DNAH5: variants seen among roughly 807,000 people sequenced by gnomAD.
DNAH5 encodes dynein axonemal heavy chain 5.
A neutral mutation model predicts 518.2 loss-of-function variants in DNAH5; 372 were observed. That is an observed-to-expected ratio of 0.72 (90% confidence interval 0.66 to 0.78). The LOEUF is 0.78. Among genes scored for constraint, DNAH5 ranks in the 30% least tolerant of loss-of-function variants. The pLI, the probability that DNAH5 is intolerant of heterozygous loss-of-function variation, is 0.00. For missense variants in DNAH5, 5,523 were observed against 5,687.0 expected (o/e 0.97, Z 0.93); for synonymous variants, 2,039 against 2,025.9 (o/e 1.01, Z -0.17).
At position 13,824,179 on chromosome 5, in the gene DNAH5, C is replaced by T. The variant is rs115382993; in HGVS notation, c.6579+20G>A. 1.6e-3 allele frequency: 2,539 copies of T among 1,612,702 alleles called. 40 individuals carry two copies. The African/African-American group carries it at 0.031, about 20-fold the overall frequency. ...AACTGATATCCAAGTAGGTGGAACA[C>T]TTCCATCTGTGAGTCTTACCAGTTT... On this transcript the variant is annotated intron_variant, in intron 39 of 78. Transcript: ENST00000265104.
At chr5:13,859,711 C>G in intron 29 of DNAH5, 106 bp from the exon 30 acceptor site, 3 of 1,072,966 alleles carry the variant, frequency 2.8e-6, no homozygotes, top group Middle Eastern at 4.9e-4. Flanking sequence ...TTCTTTACAA[C>G]CTTAATTATG....
chr5:13,815,612 C>A (rs888448057), intron 42 of DNAH5, among the ~76,000 whole-genome samples: 1 of 152,076 alleles, frequency 6.6e-6, no homozygotes, highest in African/African-American at 2.4e-5. Context: ...TGTTTATAAG[C>A]CACCCAGTCT....
intron 60 of DNAH5, among the ~76,000 whole-genome samples, chr5:13,761,651 C>T (rs1751804052): frequency 6.6e-6 from 1 of 151,226 alleles, no homozygotes; most frequent in Non-Finnish European, 1.5e-5. Flanking sequence ...CAAAGAATGA[C>T]TGTACTTTTC....
chr5:13,749,881 A>C lies in DNAH5; in HGVS notation c.11211+1197T>G, dbSNP rs1174669345. Among the ~76,000 whole-genome samples, 9 of 152,216 alleles carry C rather than the reference A, an allele frequency of 5.9e-5. No homozygotes were observed. The East Asian group carries it at 1.7e-3, about 29-fold the overall frequency. On this transcript the variant is annotated intron_variant, in intron 65 of 78. Transcript: ENST00000265104. The stretch of plus-strand genomic sequence containing the variant: ...CGGGACTCAAAAACTAAGCAAGTAC[A>C]TATTTTGAAGGCGGTCATTACCACA...
At chr5:13,811,438 T>G (rs982525249) in intron 44 of DNAH5, among the ~76,000 whole-genome samples, 7 of 152,236 alleles carry the variant, frequency 4.6e-5, no homozygotes, top group African/African-American at 1.7e-4. Context: ...AGCTGTATTT[T>G]TTGTTAAAGG....
At chr5:13,701,469 G>A (rs762010487) in intron 76 of DNAH5, 33 bp from the exon 77 acceptor site, 8 of 1,583,488 alleles carry the variant, frequency 5.1e-6, no homozygotes, top group Non-Finnish European at 6.9e-6. Context: ...ATTAATTGAT[G>A]TAAGTTTAAT....
chr5:13,732,375 CT>C (rs1217441854), intron 68 of DNAH5, among the ~76,000 whole-genome samples: 2 of 151,840 alleles, frequency 1.3e-5, no homozygotes, highest in Non-Finnish European at 2.9e-5. Flanking sequence ...TCTTGAGCCC[CT>C]TTTTTTGTGA....
chr5:13,977,303 C>T (rs1000161925), intron 1 of DNAH5, among the ~76,000 whole-genome samples: 4 of 152,188 alleles, frequency 2.6e-5, no homozygotes, highest in African/African-American at 7.2e-5. Flanking sequence ...TTCTCCGGGA[C>T]CTCACTGGAA....
At chr5:13,747,605 T>A (rs1749574542) in intron 65 of DNAH5, among the ~76,000 whole-genome samples, 1 of 152,222 alleles carries the variant, frequency 6.6e-6, no homozygotes, top group African/African-American at 2.4e-5. Context: ...GGTATCTCAT[T>A]GTGGTTTTGA....
intron 31 of DNAH5, 44 bp downstream of exon 31, chr5:13,850,608 T>C: frequency 1.3e-6 from 2 of 1,565,692 alleles, no homozygotes; most frequent in Non-Finnish European, 1.8e-6. Flanking sequence ...TGTATCCTTT[T>C]GTCTCAAGGA....
intron 55 of DNAH5, among the ~76,000 whole-genome samples, chr5:13,775,440 AAGAT>A (rs1275138499): frequency 1.3e-5 from 2 of 152,122 alleles, no homozygotes; most frequent in Admixed American, 6.6e-5. Context: ...TAGACAGATA[AAGAT>A]AGATGGATAG....
At chr5:13,714,230 T>C (rs1743988325) in intron 75 of DNAH5, among the ~76,000 whole-genome samples, 175 bp downstream of exon 75, 1 of 152,212 alleles carries the variant, frequency 6.6e-6, no homozygotes, top group African/African-American at 2.4e-5. Context: ...GAAAAGATTA[T>C]GTTACATTCA....
intron 22 of DNAH5, among the ~76,000 whole-genome samples, chr5:13,871,995 G>A (rs1005362606): frequency 2.0e-5 from 3 of 152,166 alleles, no homozygotes; most frequent in African/African-American, 7.2e-5. Context: ...TGGGAGAGGA[G>A]CAGTTTCTAG....
rs2151908618 is a variant in DNAH5, at chr5:13,864,496, T to TA, written c.4496dup (p.Thr1500AsnfsTer13). 1.2e-6 allele frequency: 2 copies of TA among 1,614,186 alleles called. No homozygotes were observed. Among genetic ancestry groups the TA allele is most frequent in the East Asian group, 4.5e-5 (2 of 44,884 alleles). ...CCAGACTGTGCCCGGTGAGGGTGGTTATCCTTTCCCAGTGCCGCTCCATCA... is the reference window on the plus strand; with the variant it reads ...CCAGACTGTGCCCGGTGAGGGTGGTTAATCCTTTCCCAGTGCCGCTCCATCA... On this transcript the variant is annotated frameshift_variant, in exon 28 of 79. Coordinates refer to ENST00000265104, the MANE Select transcript of DNAH5 (RefSeq NM_001369.3). LOFTEE classifies it high-confidence loss of function.
intron 55 of DNAH5, among the ~76,000 whole-genome samples, chr5:13,775,127 C>T (rs1502051): frequency 0.93 from 135,489 of 145,966 alleles, 62,947 homozygotes; most frequent in East Asian, 1. Flanking sequence ...AGCTACACTC[C>T]TTTTTGTTTT....
chr5:13,723,690 A>G (rs910155345), intron 70 of DNAH5, among the ~76,000 whole-genome samples: 1 of 152,238 alleles, frequency 6.6e-6, no homozygotes, highest in African/African-American at 2.4e-5. Flanking sequence ...GAGACACTGA[A>G]ATGTGAAAGT....
chr5:13,999,427 G>C (rs1784191190), intron 1 of DNAH5, among the ~76,000 whole-genome samples: 1 of 152,168 alleles, frequency 6.6e-6, no homozygotes, highest in South Asian at 2.1e-4. Context: ...GAGTATTTTA[G>C]ATACCTCATC....
intron 1 of DNAH5, among the ~76,000 whole-genome samples, chr5:13,971,774 T>C (rs1350311194): frequency 2.0e-5 from 3 of 152,172 alleles, no homozygotes; most frequent in Non-Finnish European, 4.4e-5. Flanking sequence ...GAGGTGATGC[T>C]TTCAAGACAG....
At chr5:13,958,679 C>T (rs1053432909) in intron 1 of DNAH5, among the ~76,000 whole-genome samples, 3 of 151,992 alleles carry the variant, frequency 2.0e-5, no homozygotes, top group East Asian at 1.9e-4. Context: ...AAAACCAGTA[C>T]TAAAATAAAA....
Sources: gnomAD v4.1 joint callset for allele counts (sites outside exome capture counted in the v4.1 genomes callset) on GRCh38, gnomAD v4.1.1 for gene constraint, MANE v1.5 for transcripts, NCBI Gene and HGNC (gene_info 2026-07-23, HGNC 2026-07-21) for gene names.